DNAH12: variants seen among roughly 807,000 people sequenced by gnomAD.
DNAH12 encodes the protein dynein axonemal heavy chain 12, also known as axonemal beta dynein heavy chain 12.
DNAH12 carries 285 observed loss-of-function variants against 371.5 expected under a neutral mutation model. The observed-to-expected ratio is 0.77, with a 90% confidence interval of 0.70 to 0.85. The LOEUF (loss-of-function observed/expected upper bound fraction) is 0.85. DNAH12 is among the 40% of genes least tolerant of loss of function. DNAH12 has a pLI of 0.00. For synonymous variants in DNAH12, 1,200 were observed against 1,213.0 expected (o/e 0.99, Z 0.22); for missense variants, 3,611 against 3,689.4 (o/e 0.98, Z 0.55).
intron 11 of DNAH12, among the ~76,000 whole-genome samples, chr3:57,493,497 C>A (rs2067203516): frequency 6.6e-6 from 1 of 152,120 alleles, no homozygotes; most frequent in Non-Finnish European, 1.5e-5. Context: ...CAAATACCTG[C>A]AGCTACCAAA....
chr3:57,309,833 G>A lies in DNAH12; in HGVS notation c.10918C>T (p.Pro3640Ser), dbSNP rs1341084494. Reference protein sequence around the residue: ...FIKKLPFTQHPEIFGLHENVD... With the variant: ...FIKKLPFTQHSEIFGLHENVD... ...TTTTCATGTAATCCAAATATCTCAG[G>A]GTGTTGAGTAAATGGAAGTTTCTAC... is the stretch of plus-strand genomic sequence containing the variant. Residue 3640 changes from proline to serine, a missense_variant, in exon 68 of 74, where the codon CCT becomes TCT. By Grantham distance (74) the Pro-to-Ser change is moderately conservative. Coordinates refer to ENST00000495027, the MANE Select transcript of DNAH12 (RefSeq NM_001366028.2). The A allele has an allele frequency of 1.3e-6, 2 of 1,545,446 alleles. No homozygotes were observed. The highest frequency in any genetic ancestry group is 1.7e-6 in the Non-Finnish European group (2 of 1,145,420).
At chr3:57,538,856 A>G (rs1052660886) in intron 2 of DNAH12, among the ~76,000 whole-genome samples, 2 of 152,196 alleles carry the variant, frequency 1.3e-5, no homozygotes, top group African/African-American at 4.8e-5. Flanking sequence ...CTTCTCTTAT[A>G]TATCCAACTG....
At chr3:57,406,952 G>A (rs115750772) in intron 40 of DNAH12, among the ~76,000 whole-genome samples, 3,583 of 152,162 alleles carry the variant, frequency 0.024, 65 homozygotes, top group Admixed American at 0.035. Flanking sequence ...CCGCTGGAGT[G>A]CAGTGGTGAG....
chr3:57,513,775 A>G (rs2068085009), intron 4 of DNAH12, among the ~76,000 whole-genome samples: 1 of 152,200 alleles, frequency 6.6e-6, no homozygotes, highest in Non-Finnish European at 1.5e-5. Context: ...TATCAGATTG[A>G]CAAAAATTTT....
At chr3:57,377,380 T>C (rs2063301779) in intron 52 of DNAH12, among the ~76,000 whole-genome samples, 158 bp from the exon 53 acceptor site, 1 of 152,070 alleles carries the variant, frequency 6.6e-6, no homozygotes, top group Admixed American at 6.6e-5. Flanking sequence ...AAGTAAAATA[T>C]ACCTATATAT....
At chr3:57,420,086 T>C (rs1216508628) in intron 36 of DNAH12, among the ~76,000 whole-genome samples, 2 of 152,226 alleles carry the variant, frequency 1.3e-5, no homozygotes, top group Non-Finnish European at 1.5e-5. Context: ...AACCAGGATA[T>C]ATATCAGCAT....
rs144681979 is a variant in DNAH12 at position 57,347,901 on chromosome 3, C to T, written c.9674+4184G>A. Among the ~76,000 whole-genome samples, 566 of 152,212 alleles carry T rather than the reference C, an allele frequency of 3.7e-3. 5 individuals are homozygous for T. Among genetic ancestry groups the T allele is most frequent in the African/African-American group, 0.013 (540 of 41,508 alleles). On this transcript the variant is annotated intron_variant, in intron 60 of 73. Transcript: ENST00000495027. ...CTTTCCAAAATAGGTAACATGAACT[C>T]TTATTCATTGCTGGTGGAGACGCTA... is the stretch of plus-strand genomic sequence containing the variant.
At chr3:57,526,096 A>C (rs2153398912) in intron 2 of DNAH12, among the ~76,000 whole-genome samples, 1 of 151,842 alleles carries the variant, frequency 6.6e-6, no homozygotes, top group Non-Finnish European at 1.5e-5. Context: ...AACCATCCCC[A>C]ATTCCCTCCT....
intron 7 of DNAH12, 64 bp from the exon 8 acceptor site, chr3:57,507,902 T>G: frequency 7.0e-7 from 1 of 1,432,984 alleles, no homozygotes; most frequent in Admixed American, 2.6e-5. Flanking sequence ...AAAACACAAT[T>G]GTTGGGCCGG....
chr3:57,521,616 G>A (rs1262464899), intron 4 of DNAH12, among the ~76,000 whole-genome samples: 4 of 152,196 alleles, frequency 2.6e-5, no homozygotes, highest in Non-Finnish European at 5.9e-5. Flanking sequence ...GGCTGGGTGC[G>A]GTGGCTCCGC....
At chr3:57,347,934 C>T (rs931794845) in intron 60 of DNAH12, among the ~76,000 whole-genome samples, 1 of 152,066 alleles carries the variant, frequency 6.6e-6, no homozygotes, top group Non-Finnish European at 1.5e-5. Flanking sequence ...CTAAATGGTA[C>T]GGCCACTCAG....
chr3:57,506,848 T>C (rs540660331), intron 8 of DNAH12, among the ~76,000 whole-genome samples: 2 of 152,096 alleles, frequency 1.3e-5, no homozygotes, highest in Non-Finnish European at 2.9e-5. Context: ...AAAGTACGAA[T>C]AATGGTTTCT....
intron 4 of DNAH12, among the ~76,000 whole-genome samples, chr3:57,517,937 C>G (rs906786028): frequency 5.9e-5 from 9 of 152,016 alleles, no homozygotes; most frequent in African/African-American, 1.9e-4. Flanking sequence ...ATCTGTAGTC[C>G]CAGCTCCTCG....
At chr3:57,388,336 A>T (rs1319951960) in intron 45 of DNAH12, among the ~76,000 whole-genome samples, 1 of 152,176 alleles carries the variant, frequency 6.6e-6, no homozygotes, top group Non-Finnish European at 1.5e-5. Flanking sequence ...TTACCAATAC[A>T]TGGCATATCA....
chr3:57,490,575 C>T (rs1325212860), intron 11 of DNAH12, among the ~76,000 whole-genome samples: 3 of 152,102 alleles, frequency 2.0e-5, no homozygotes, highest in Non-Finnish European at 4.4e-5. Flanking sequence ...ATCTGCCTTC[C>T]TTCTCACTTG....
In DNAH12 at chr3:57,396,300, A is replaced by AC. The variant is rs1345378995; in HGVS notation, c.6949-1969_6949-1968insG. On this transcript the variant is annotated intron_variant, in intron 43 of 73. Transcript: ENST00000495027. Reference sequence around the variant, plus strand: ...TCTCAAAAAAAAAAACAAAAAAAAAAAAAAAAAAAAGAGAACCATAAACAT... The same window carrying AC: ...TCTCAAAAAAAAAAACAAAAAAAAAACAAAAAAAAAAGAGAACCATAAACAT... Among the ~76,000 whole-genome samples the AC allele has an allele frequency of 2.1e-4, 31 of 145,574 alleles. 2 individuals are homozygous for AC. In the South Asian group the frequency reaches 5.7e-3, roughly 27 times the overall value.
intron 43 of DNAH12, among the ~76,000 whole-genome samples, chr3:57,398,006 C>A (rs2063780767): frequency 6.6e-6 from 1 of 152,036 alleles, no homozygotes; most frequent in African/African-American, 2.4e-5. Flanking sequence ...AAAATAACTA[C>A]CTTAAAGATA....
Position 57,433,842 on chromosome 3 carries a change from G to A in DNAH12, c.4656-14C>T. On this transcript the variant is annotated splice_polypyrimidine_tract_variant and intron_variant, in intron 30 of 73. Transcript: ENST00000495027. ...ACTAACATAAAACTATGAAGGAAAAGAAATAATTATACAATAAGAGTCTTT... is the reference window on the plus strand; with the variant it reads ...ACTAACATAAAACTATGAAGGAAAAAAAATAATTATACAATAAGAGTCTTT... The A allele has an allele frequency of 6.6e-7, 1 of 1,507,600 alleles. No individual in the cohort carries two copies. Among genetic ancestry groups the A allele is most frequent in the South Asian group, 1.3e-5 (1 of 74,156 alleles). 93.4% of individuals were successfully genotyped at this position (1,507,600 alleles called of 1,614,324 possible).
In DNAH12 at chr3:57,421,528, T is replaced by C; in HGVS notation, c.5552A>G (p.Tyr1851Cys). 6.4e-7 allele frequency: 1 copy of C among 1,551,676 alleles called. No homozygotes were observed. The change falls in exon 36 of 74, where the codon TAC (tyrosine) becomes TGC (cysteine). Residue 1851 changes from tyrosine to cysteine, a missense_variant. Physicochemically the swap from Tyr to Cys is radical, Grantham distance 194. Around this residue, in one of 3 missense-constraint regions of DNAH12, gnomAD observed 2,266 missense variants for 2,236.9 expected, o/e 1.01. Coordinates refer to ENST00000495027, the MANE Select transcript of DNAH12 (RefSeq NM_001366028.2). The stretch of plus-strand genomic sequence containing the variant: ...CTTTTTATGTCATACCTCATACATG[T>C]AGTCATAGACCAGGCCTTTTTCATC... Reference protein sequence around the residue: ...PFDEKGLVYDYMYELKNKGRW... With the variant: ...PFDEKGLVYDCMYELKNKGRW...
Sources: allele counts gnomAD v4.1 joint callset (sites outside exome capture counted in the v4.1 genomes callset), GRCh38; gene constraint gnomAD v4.1.1; regional missense constraint gnomAD v4.1.1; transcripts MANE v1.5; gene names NCBI Gene and HGNC (gene_info 2026-07-23, HGNC 2026-07-21).